SLITRK4: variants seen among roughly 807,000 people sequenced by gnomAD.
SLITRK4 encodes the protein SLIT and NTRK like family member 4, also known as SLIT and NTRK-like protein 4.
SLITRK4 carries 7 observed loss-of-function variants against 34.7 expected under a neutral mutation model. That is an observed-to-expected ratio of 0.20 (90% CI 0.11 to 0.38). The LOEUF (loss-of-function observed/expected upper bound fraction) is 0.38. Ranked by LOEUF, SLITRK4 falls within the 10% of genes least tolerant of loss-of-function variation. SLITRK4 has a pLI of 1.00. For synonymous variants in SLITRK4, 237 were observed against 246.2 expected (o/e 0.96, Z 0.35); for missense variants, 474 against 607.0 (o/e 0.78, Z 2.30).
Position 143,630,319 on chromosome X carries a change from T to C in SLITRK4, c.790A>G (p.Met264Val), listed in dbSNP as rs1556427725. ...KETNKQELCP[M>V]GTGSDFDVRI... ...ACGTCAAAATCACTGCCGGTGCCCATGGGACATAGCTCTTGTTTGTTGGTT... is the reference window on the plus strand; with the variant it reads ...ACGTCAAAATCACTGCCGGTGCCCACGGGACATAGCTCTTGTTTGTTGGTT... The change falls in exon 2 of 2, where the codon ATG (methionine) becomes GTG (valine). Residue 264 changes from methionine to valine, a missense_variant. Coordinates refer to ENST00000356928, the MANE Select transcript of SLITRK4 (RefSeq NM_001184749.3). The C allele has an allele frequency of 8.3e-7, 1 of 1,210,087 alleles. No homozygotes were observed. Among genetic ancestry groups the C allele is most frequent in the African/African-American group, 1.8e-5 (1 of 57,091 alleles).
chrX:143,632,330 T>C (rs1931067037), intron 1 of SLITRK4, among the ~76,000 whole-genome samples: 1 of 111,808 alleles, frequency 8.9e-6, no homozygotes, highest in Admixed American at 9.5e-5. Flanking sequence ...GTTTAATGCT[T>C]AGCAAAATAA....
At chrX:143,633,346 G>A (rs1931110968) in intron 1 of SLITRK4, among the ~76,000 whole-genome samples, 1 of 111,360 alleles carries the variant, frequency 9.0e-6, no homozygotes, top group South Asian at 3.8e-4. Flanking sequence ...GGTAAAGGGA[G>A]CACTGAATGT....
rs1457699953 is a variant in SLITRK4 at position 143,624,523 on chromosome X, G to GA, written c.*4071dup. The GA allele has an allele frequency of 9.5e-6, 1 of 104,794 alleles. No homozygotes were observed. The highest frequency in any genetic ancestry group is 2.0e-5 in the Non-Finnish European group (1 of 49,748). The allele number at this position is 104,794 out of a possible 1,213,427, so 8.6% of individuals were successfully genotyped here. A position where few individuals can be genotyped will look rare whatever the true frequency, so the allele number is the denominator to read the frequency against. ...CTGCCAGTGGGAAGGAACACAGATTGAAAATATGTTTCTAAAGAAAGCGTT... is the reference window on the plus strand; with the variant it reads ...CTGCCAGTGGGAAGGAACACAGATTGAAAAATATGTTTCTAAAGAAAGCGTT... On this transcript the variant is annotated 3_prime_UTR_variant, in exon 2 of 2. Transcript: ENST00000356928.
rs1313373055 is a variant in SLITRK4, at chrX:143,635,951, G to T, written c.-267C>A. 9.2e-6 allele frequency among the ~76,000 whole-genome samples: 1 copy of T among 108,480 alleles called. No homozygotes were observed. Among genetic ancestry groups the T allele is most frequent in the Non-Finnish European group, 1.9e-5 (1 of 52,241 alleles). The allele number at this position is 108,480 out of a possible 115,157, so 94.2% of individuals were successfully genotyped here. A position where few individuals can be genotyped will look rare whatever the true frequency, so the allele number is the denominator to read the frequency against. On this transcript the variant is annotated 5_prime_UTR_variant, in exon 1 of 2. Coordinates refer to ENST00000356928, the MANE Select transcript of SLITRK4 (RefSeq NM_001184749.3). ...TATTTAGCCGGGTTAGAAGGAGACGGGTTAATTATCCGCACCTTAGAACTC... is the reference window on the plus strand; with the variant it reads ...TATTTAGCCGGGTTAGAAGGAGACGTGTTAATTATCCGCACCTTAGAACTC...
rs1008254563 is a variant in SLITRK4, at chrX:143,623,324, A to G, written c.*5271T>C. The stretch of plus-strand genomic sequence containing the variant: ...CCTACAGTCAGTGGAAATGTCAATT[A>G]TGGATTAATGAGAAGCTTGAATCTT... On this transcript the variant is annotated 3_prime_UTR_variant, in exon 2 of 2. Transcript: ENST00000356928. The G allele has an allele frequency of 4.5e-5, 5 of 110,841 alleles. No homozygotes were observed. Among genetic ancestry groups the G allele is most frequent in the African/African-American group, 1.6e-4 (5 of 30,570 alleles). 9.1% of individuals were successfully genotyped at this position (110,841 alleles called of 1,213,427 possible).
rs1556426757 is a variant in SLITRK4 at position 143,629,584 on chromosome X, T to A, written c.1525A>T (p.Met509Leu). ...ARLNLRNNKFMYLPVSGVLDQ... is the reference protein window; with the variant it reads ...ARLNLRNNKFLYLPVSGVLDQ... ...AGGACCCCGCTGACAGGCAGGTACA[T>A]GAATTTGTTGTTCCTCAGGTTCAGT... The change falls in exon 2 of 2, where the codon ATG becomes TTG. Residue 509 changes from methionine (M) to leucine (L), a missense_variant. Around this residue, in one of 3 missense-constraint regions of SLITRK4, gnomAD observed 345 missense variants for 406.5 expected, o/e 0.85. Transcript: ENST00000356928. 8.3e-7 allele frequency: 1 copy of A among 1,211,424 alleles called. No individual in the cohort carries two copies. Among genetic ancestry groups the A allele is most frequent in the Admixed American group, 2.2e-5 (1 of 45,995 alleles).
At position 143,623,299 on chromosome X, in the gene SLITRK4, C is replaced by G. The variant is rs954088223; in HGVS notation, c.*5296G>C. On this transcript the variant is annotated 3_prime_UTR_variant, in exon 2 of 2. Coordinates refer to ENST00000356928, the MANE Select transcript of SLITRK4 (RefSeq NM_001184749.3). ...GAGTAATTCTCTCCTGGTTCTGGGT[C>G]CTACAGTCAGTGGAAATGTCAATTA... 3 of 110,293 alleles carry G rather than the reference C, an allele frequency of 2.7e-5. No individual in the cohort carries two copies. Among genetic ancestry groups the G allele is most frequent in the Non-Finnish European group, 5.7e-5 (3 of 52,702 alleles). 9.1% of individuals were successfully genotyped at this position (110,293 alleles called of 1,213,427 possible).
At position 143,628,525 on chromosome X, in the gene SLITRK4, A is replaced by T. The variant is rs188866592; in HGVS notation, c.*70T>A. 924 of 872,778 alleles carry T rather than the reference A, an allele frequency of 1.1e-3. 2 individuals are homozygous for T. The highest frequency in any genetic ancestry group is 1.3e-3 in the Non-Finnish European group (817 of 623,794). The allele number at this position is 872,778 out of a possible 1,213,427, so 71.9% of individuals were successfully genotyped here. A position where few individuals can be genotyped will look rare whatever the true frequency, so the allele number is the denominator to read the frequency against. Reference sequence around the variant, plus strand: ...GCCTATTGATAATATAGTATTTGGAAGTTAGAAGTCAACAAAAGGCACTTT... The same window carrying T: ...GCCTATTGATAATATAGTATTTGGATGTTAGAAGTCAACAAAAGGCACTTT... On this transcript the variant is annotated 3_prime_UTR_variant, in exon 2 of 2. Coordinates refer to ENST00000356928, the MANE Select transcript of SLITRK4 (RefSeq NM_001184749.3).
chrX:143,633,016 T>A (rs1348213858), intron 1 of SLITRK4, among the ~76,000 whole-genome samples: 14 of 107,238 alleles, frequency 1.3e-4, no homozygotes, highest in Non-Finnish European at 2.7e-4. Flanking sequence ...AAAAAAAAAA[T>A]CCTTATAATC....
At chrX:143,632,881 G>A (rs781863136) in intron 1 of SLITRK4, among the ~76,000 whole-genome samples, 34 of 111,018 alleles carry the variant, frequency 3.1e-4, no homozygotes, top group Admixed American at 2.8e-3. Context: ...TTTTTGCCTT[G>A]TTATGAATGT....
chrX:143,623,559 C>T lies in SLITRK4; in HGVS notation c.*5036G>A, dbSNP rs1456933417. On this transcript the variant is annotated 3_prime_UTR_variant, in exon 2 of 2. Coordinates refer to ENST00000356928, the MANE Select transcript of SLITRK4 (RefSeq NM_001184749.3). ...TATCAACCAGTAGAAACTAAAAAGA[C>T]ATTAAATAAATAAATAAATAAATAA... is the stretch of plus-strand genomic sequence containing the variant. 4 of 109,791 alleles carry T rather than the reference C, an allele frequency of 3.6e-5. No homozygotes were observed. Among genetic ancestry groups the T allele is most frequent in the Admixed American group, 9.8e-5 (1 of 10,229 alleles). 9.0% of individuals were successfully genotyped at this position (109,791 alleles called of 1,213,427 possible).
rs1430286750 is a variant in SLITRK4, at chrX:143,625,390, TA to T, written c.*3204del. On this transcript the variant is annotated 3_prime_UTR_variant, in exon 2 of 2. Coordinates refer to ENST00000356928, the MANE Select transcript of SLITRK4 (RefSeq NM_001184749.3). The stretch of plus-strand genomic sequence containing the variant: ...AATTGAATCATCTTTATTGATTTCA[TA>T]AAAAAATAATTTAAAACTTGATTTA... The T allele has an allele frequency of 1.8e-5, 2 of 111,461 alleles. No individual in the cohort carries two copies. The highest frequency in any genetic ancestry group is 6.5e-5 in the African/African-American group (2 of 30,826). 9.2% of individuals were successfully genotyped at this position (111,461 alleles called of 1,213,427 possible).
chrX:143,633,917 G>A (rs781904106), intron 1 of SLITRK4, among the ~76,000 whole-genome samples: 27 of 113,039 alleles, frequency 2.4e-4, no homozygotes, highest in Non-Finnish European at 4.7e-4. Flanking sequence ...CAGCAGCCTG[G>A]CGGTCCGTGT....
At chrX:143,634,139 G>A (rs1042925532) in intron 1 of SLITRK4, among the ~76,000 whole-genome samples, 1 of 112,375 alleles carries the variant, frequency 8.9e-6, no homozygotes, top group East Asian at 2.8e-4. Context: ...TGCTTGCCAC[G>A]GGCAGAGTGA....
chrX:143,631,266 TGTAAGG>T (rs1931031047), intron 1 of SLITRK4, 108 bp from the exon 2 acceptor site: 3 of 424,923 alleles, frequency 7.1e-6, no homozygotes, highest in Non-Finnish European at 3.8e-6. Context: ...GAGTTGTATT[TGTAAGG>T]CAATCAAACC....
chrX:143,635,586 A>T (rs1431971607), intron 1 of SLITRK4, 149 bp downstream of exon 1: 1 of 110,034 alleles, frequency 9.1e-6, no homozygotes, highest in Non-Finnish European at 1.9e-5. Context: ...GAAACACTGG[A>T]GAGCCTGGGG....
chrX:143,635,419 C>T (rs1278494559), intron 1 of SLITRK4, among the ~76,000 whole-genome samples: 1 of 103,710 alleles, frequency 9.6e-6, no homozygotes, highest in African/African-American at 3.5e-5. Flanking sequence ...CCTCCATCCC[C>T]CCCACCACAT....
rs782814951 is a variant in SLITRK4 at position 143,623,561 on chromosome X, TTAAATAAA to T, written c.*5026_*5033del. On this transcript the variant is annotated 3_prime_UTR_variant, in exon 2 of 2. Transcript: ENST00000356928. ...TCAACCAGTAGAAACTAAAAAGACA[TTAAATAAA>T]TAAATAAATAAATAAATAAAACAAA... 2 of 110,125 alleles carry T rather than the reference TTAAATAAA, an allele frequency of 1.8e-5. No homozygotes were observed. The highest frequency in any genetic ancestry group is 1.9e-5 in the Non-Finnish European group (1 of 52,562). 9.1% of individuals were successfully genotyped at this position (110,125 alleles called of 1,213,427 possible). A position where few individuals can be genotyped will look rare whatever the true frequency, so the allele number is the denominator to read the frequency against.
Position 143,625,100 on chromosome X carries a change from TTC to T in SLITRK4, c.*3493_*3494del, listed in dbSNP as rs1930742774. 1 of 111,117 alleles carries T rather than the reference TTC, an allele frequency of 9.0e-6. No individual in the cohort carries two copies. The highest frequency in any genetic ancestry group is 3.3e-5 in the African/African-American group (1 of 30,696). The allele number at this position is 111,117 out of a possible 1,213,427, so 9.2% of individuals were successfully genotyped here. On this transcript the variant is annotated 3_prime_UTR_variant, in exon 2 of 2. Transcript: ENST00000356928. ...TTACCACCATACATTTCTAGACGTG[TTC>T]TGTTATTTCTGAAATACCTGTTGAT... is the stretch of plus-strand genomic sequence containing the variant.
Sources: gnomAD v4.1 joint callset for allele counts (sites outside exome capture counted in the v4.1 genomes callset) on GRCh38, gnomAD v4.1.1 for gene constraint, gnomAD v4.1.1 regional missense constraint, MANE v1.5 for transcripts, NCBI Gene and HGNC (gene_info 2026-07-23, HGNC 2026-07-21) for gene names.